TMEM101: variants seen among roughly 807,000 people sequenced by gnomAD.
The protein encoded by TMEM101 is putative NF-kappa-B-activating protein 130.
In TMEM101, 14 loss-of-function variants were observed where a neutral mutation model predicts 26.0. That is an observed-to-expected ratio of 0.54 (90% CI 0.36 to 0.84). The LOEUF (loss-of-function observed/expected upper bound fraction) is 0.84. TMEM101 is among the 40% of genes least tolerant of loss of function. The pLI, the probability that TMEM101 is intolerant of heterozygous loss-of-function variation, is 0.01. For synonymous variants in TMEM101, 152 were observed against 145.1 expected, an observed-to-expected ratio of 1.05 and a Z score of -0.34; for missense variants, 292 against 345.1, an observed-to-expected ratio of 0.85 and a Z score of 1.22.
chr17:44,014,368 C>T lies in TMEM101; in HGVS notation c.307G>A (p.Asp103Asn). 6.4e-7 allele frequency: 1 copy of T among 1,552,364 alleles called. No homozygotes were observed. The highest frequency in any genetic ancestry group is 1.2e-5 in the South Asian group (1 of 84,228). The change falls in exon 2 of 4, where the codon GAC becomes AAC. Residue 103 changes from aspartate (D) to asparagine (N), a missense_variant. Asp to Asn is a conservative substitution (Grantham distance 23). Coordinates refer to ENST00000206380, the MANE Select transcript of TMEM101 (RefSeq NM_032376.4). Reference sequence around the variant, plus strand: ...GCCGAGGCGCTCACCTTCAGCCAGTCCCCGTAGTGGACGTAGCCCCCGATG... The same window carrying T: ...GCCGAGGCGCTCACCTTCAGCCAGTTCCCGTAGTGGACGTAGCCCCCGATG... ...AYIGGYVHYGDWLKVRMYSRT... is the reference protein window; with the variant it reads ...AYIGGYVHYGNWLKVRMYSRT...
exon 1 of TMEM101, chr17:44,023,063 G>C (rs929773016): frequency 1.8e-5 from 7 of 379,810 alleles, no homozygotes; most frequent in Non-Finnish European, 3.6e-5. Flanking sequence ...TTCACCACCA[G>C]TCTGGGAAGC....
intron 3 of TMEM101, chr17:44,012,687 C>T (rs1417736787): frequency 4.8e-6 from 2 of 414,558 alleles, no homozygotes; most frequent in Non-Finnish European, 8.5e-6. Context: ...CTGACCCCCA[C>T]CAAACCTCTC....
upstream of TMEM101, chr17:44,023,110 C>T (rs560891716): frequency 9.5e-5 from 32 of 337,254 alleles, no homozygotes; most frequent in South Asian, 7.1e-4. Context: ...CTCGTCCGTG[C>T]ACAGACGAGG....
In TMEM101 at chr17:44,011,913, C is replaced by A. The variant is rs746740266; in HGVS notation, c.*15G>T. 8.2e-6 allele frequency: 13 copies of A among 1,593,192 alleles called. No homozygotes were observed. The highest frequency in any genetic ancestry group is 1.1e-5 in the Non-Finnish European group (13 of 1,166,864). ...AGTGGCTCCCTGTGCCCATCTCAGC[C>A]TCTTGCCATAAAACTCAGCCATCAG... On this transcript the variant is annotated 3_prime_UTR_variant, in exon 4 of 4. Transcript: ENST00000206380.
chr17:44,011,245 C>A lies in TMEM101; in HGVS notation c.*683G>T, dbSNP rs2049153397. ...GTGTGGTCTGGTGTTTGGGAGGGAACTCCACCCCCACCAGGCCAACCATGG... is the reference window on the plus strand; with the variant it reads ...GTGTGGTCTGGTGTTTGGGAGGGAAATCCACCCCCACCAGGCCAACCATGG... On this transcript the variant is annotated 3_prime_UTR_variant, in exon 4 of 4. Transcript: ENST00000206380. 1 of 152,200 alleles carries A rather than the reference C, an allele frequency of 6.6e-6. No individual in the cohort carries two copies. Among genetic ancestry groups the A allele is most frequent in the Non-Finnish European group, 1.5e-5 (1 of 68,070 alleles). 9.4% of individuals were successfully genotyped at this position (152,200 alleles called of 1,614,324 possible).
intron 2 of TMEM101, among the ~76,000 whole-genome samples, 193 bp from the exon 3 acceptor site, chr17:44,013,348 G>A (rs145626898): frequency 2.8e-4 from 42 of 152,226 alleles, no homozygotes; most frequent in African/African-American, 1.0e-3. Context: ...AGAAACTGAG[G>A]CCCAGAGGGT....
In TMEM101 at chr17:44,014,430, G is replaced by A. The variant is rs182986389; in HGVS notation, c.245C>T (p.Ala82Val). ...GVKRRWFALG[A>V]ALQLAISTYA... Reference sequence around the variant, plus strand: ...GGTGCTAATGGCCAATTGGAGTGCGGCCCCCAGCGCGAACCAGCGCCGCTT... The same window carrying A: ...GGTGCTAATGGCCAATTGGAGTGCGACCCCCAGCGCGAACCAGCGCCGCTT... The change falls in exon 2 of 4, where the codon GCC (alanine) becomes GTC (valine). Residue 82 changes from alanine (A) to valine (V), a missense_variant. This residue lies in a region of TMEM101 where 143 missense variants were observed against 133.2 expected (regional missense o/e 1.07). Coordinates refer to ENST00000206380, the MANE Select transcript of TMEM101 (RefSeq NM_032376.4). The A allele has an allele frequency of 6.4e-7, 1 of 1,557,150 alleles. No individual in the cohort carries two copies. The highest frequency in any genetic ancestry group is 8.7e-7 in the Non-Finnish European group (1 of 1,149,974).
upstream of TMEM101, among the ~76,000 whole-genome samples, chr17:44,018,262 C>A (rs2049252887): frequency 6.6e-6 from 1 of 152,086 alleles, no homozygotes; most frequent in South Asian, 2.1e-4. Context: ...GAGTTTGAGG[C>A]TGCATTGAGC....
intron 2 of TMEM101, among the ~76,000 whole-genome samples, chr17:44,013,727 T>C (rs1390122666): frequency 1.3e-5 from 2 of 152,100 alleles, no homozygotes; most frequent in Admixed American, 6.5e-5. Context: ...CCAGACACAA[T>C]GTGTTTCTCC....
At chr17:44,013,953 T>C (rs1436598580) in intron 2 of TMEM101, among the ~76,000 whole-genome samples, 4 of 152,226 alleles carry the variant, frequency 2.6e-5, no homozygotes, top group Non-Finnish European at 5.9e-5. Flanking sequence ...TTAAATGCTA[T>C]ACTAACAGTA....
chr17:44,014,106 G>T (rs182699458), intron 2 of TMEM101, among the ~76,000 whole-genome samples: 3 of 152,322 alleles, frequency 2.0e-5, no homozygotes, highest in Admixed American at 6.5e-5. Flanking sequence ...CCAGTATCCT[G>T]TATTGTGGCT....
At chr17:44,016,042 T>C (rs1792858575), upstream of TMEM101, among the ~76,000 whole-genome samples, 1 of 152,186 alleles carries the variant, frequency 6.6e-6, no homozygotes, top group Admixed American at 6.5e-5. Context: ...CACCCGTTTA[T>C]ATGTTCTCAT....
intron 1 of TMEM101, among the ~76,000 whole-genome samples, chr17:44,022,622 C>T (rs117467721): frequency 0.021 from 3,271 of 152,314 alleles, 41 homozygotes; most frequent in Non-Finnish European, 0.032. Context: ...GGATTCCCTG[C>T]AGCACTTCAC....
intron 2 of TMEM101, among the ~76,000 whole-genome samples, chr17:44,020,562 A>G (rs1327634747): frequency 1.3e-5 from 2 of 152,190 alleles, no homozygotes; most frequent in African/African-American, 4.8e-5. Flanking sequence ...CTCTACTAAA[A>G]ATACAAAAAA....
At chr17:44,014,615 A>C (rs906356522) in intron 1 of TMEM101, 78 bp from the exon 2 acceptor site, 1 of 1,535,570 alleles carries the variant, frequency 6.5e-7, no homozygotes, top group Admixed American at 1.8e-5. Context: ...TTGAGTTCCC[A>C]CAGGCTCCAC....
chr17:44,021,759 A>G (rs2049287446), intron 1 of TMEM101, among the ~76,000 whole-genome samples: 2 of 152,230 alleles, frequency 1.3e-5, no homozygotes, highest in African/African-American at 2.4e-5. Context: ...AGTCATAATC[A>G]TAAAGACATC....
rs143197986 is a variant in TMEM101, at chr17:44,012,449, G to A, written c.466-213C>T. ...GCCCATGTCTCCCCTCACCCTAGGG[G>A]CTATGAAGGAAGTGTATTTCCACAG... On this transcript the variant is annotated intron_variant, in intron 3 of 3. Coordinates refer to ENST00000206380, the MANE Select transcript of TMEM101 (RefSeq NM_032376.4). The A allele has an allele frequency of 5.0e-4, 289 of 574,350 alleles. 2 individuals carry two copies. In the Middle Eastern group the frequency reaches 6.4e-3, roughly 13 times the overall value. The allele number at this position is 574,350 out of a possible 1,614,324, so 35.6% of individuals were successfully genotyped here.
chr17:44,013,675 A>G (rs1210691944), intron 2 of TMEM101, among the ~76,000 whole-genome samples: 1 of 152,102 alleles, frequency 6.6e-6, no homozygotes, highest in Non-Finnish European at 1.5e-5. Context: ...CAACAACAAA[A>G]AAGAAAACTG....
At chr17:44,017,230 G>T (rs969968197), upstream of TMEM101, among the ~76,000 whole-genome samples, 1 of 151,732 alleles carries the variant, frequency 6.6e-6, no homozygotes, top group Non-Finnish European at 1.5e-5. Context: ...GAGGCCAAGT[G>T]GGGGGTTGGA....
Sources: allele counts gnomAD v4.1 joint callset (sites outside exome capture counted in the v4.1 genomes callset), GRCh38; gene constraint gnomAD v4.1.1; regional missense constraint gnomAD v4.1.1; transcripts MANE v1.5; gene names NCBI Gene and HGNC (gene_info 2026-07-23, HGNC 2026-07-21).